Variants in FOXK1 observed in about 807,000 individuals in gnomAD.
FOXK1 encodes the protein forkhead box protein K1.
A neutral mutation model predicts 51.9 loss-of-function variants in FOXK1; 19 were observed. The ratio of observed to expected loss-of-function variants is 0.37; its 90% CI spans 0.26 to 0.54. The LOEUF (loss-of-function observed/expected upper bound fraction) is 0.54, where lower values mean the gene tolerates loss of function less well. FOXK1 is among the 20% of genes least tolerant of loss of function. The probability of loss-of-function intolerance (pLI) is 0.87; values close to 1 mark genes in which losing one functional copy is unlikely to be tolerated. For missense variants in FOXK1, 870 were observed against 1,032.7 expected (o/e 0.84, Z 2.16); for synonymous variants, 537 against 482.6 (o/e 1.11, Z -1.48).
chr7:4,747,803 T>C lies in FOXK1; in HGVS notation c.747-6656T>C, dbSNP rs930631498. Among the ~76,000 whole-genome samples, 1 of 152,154 alleles carries C rather than the reference T, an allele frequency of 6.6e-6. No individual in the cohort carries two copies. Among genetic ancestry groups the C allele is most frequent in the Non-Finnish European group, 1.5e-5 (1 of 68,020 alleles). On this transcript the variant is annotated intron_variant, in intron 2 of 8. Transcript: ENST00000328914. This position sits in a 1 kb window ranked among gnomAD's most constrained non-coding sequence, Gnocchi z 9.2. ...CCTTGACCTCCCAAAGTGCCAAGATTACAAGCCTGGGCCTGTTTTTGTTGT... is the reference window on the plus strand; with the variant it reads ...CCTTGACCTCCCAAAGTGCCAAGATCACAAGCCTGGGCCTGTTTTTGTTGT...
At position 4,762,181 on chromosome 7, in the gene FOXK1, C is replaced by T. The variant is rs752785227; in HGVS notation, c.1922-3C>T. The stretch of plus-strand genomic sequence containing the variant: ...GAGTAACCCTCTTCTTCCTCCACTC[C>T]AGCCCTCACCAGCCCTTTGCAGCTC... On this transcript the variant is annotated splice_region_variant and splice_polypyrimidine_tract_variant and intron_variant, in intron 8 of 8. Coordinates refer to ENST00000328914, the MANE Select transcript of FOXK1 (RefSeq NM_001037165.2). The surrounding 1 kb of genome is among the most constrained non-coding windows in gnomAD (Gnocchi z 5.7). 2.6e-5 allele frequency: 41 copies of T among 1,547,692 alleles called. No individual in the cohort carries two copies. The highest frequency in any genetic ancestry group is 1.7e-4 in the Middle Eastern group (1 of 5,974).
intron 1 of FOXK1, among the ~76,000 whole-genome samples, chr7:4,712,794 G>T (rs1780191008): frequency 6.6e-6 from 1 of 152,164 alleles, no homozygotes; most frequent in Non-Finnish European, 1.5e-5. Flanking sequence ...ATTAAATACT[G>T]CTCAAACAGC....
chr7:4,718,088 C>G (rs192795541), intron 1 of FOXK1, among the ~76,000 whole-genome samples: 1 of 152,364 alleles, frequency 6.6e-6, no homozygotes, highest in Non-Finnish European at 1.5e-5. Context: ...TCCATGGACA[C>G]ACTTTCCATT....
Position 4,759,144 on chromosome 7 carries a change from C to T in FOXK1, c.1338C>T (p.Pro446=), listed in dbSNP as rs372852620. The change falls in exon 6 of 9, where the codon CCC becomes CCT. Residue 446 remains proline, a synonymous_variant. Coordinates refer to ENST00000328914, the MANE Select transcript of FOXK1 (RefSeq NM_001037165.2). ...TPECLSREGS[P]IPHDPEFGSK... is the part of the protein sequence containing the mutation. ...AGTGCCTGTCTCGGGAGGGCTCCCC[C>T]ATTCCACACGACCCTGAGTTTGGGT... 1.2e-6 allele frequency: 2 copies of T among 1,612,684 alleles called. No individual in the cohort carries two copies. The highest frequency in any genetic ancestry group is 3.3e-5 in the Admixed American group (2 of 60,018).
Position 4,759,457 on chromosome 7 carries a change from C to G in FOXK1, c.1558C>G (p.Pro520Ala). The G allele has an allele frequency of 6.3e-7, 1 of 1,591,412 alleles. No homozygotes were observed. Among genetic ancestry groups the G allele is most frequent in the Non-Finnish European group, 8.5e-7 (1 of 1,173,728 alleles). ...CGCCATCCACGTCGTGCAGCAGGCC[C>G]CCACCGTCACCATGGTCAGGGTGGT... ...GHAIHVVQQA[P>A]TVTMVRVVTT... is the part of the protein sequence containing the mutation. Residue 520 changes from proline (P) to alanine (A), a missense_variant, in exon 7 of 9, where the codon CCC becomes GCC. Pro to Ala is a conservative substitution (Grantham distance 27). Coordinates refer to ENST00000328914, the MANE Select transcript of FOXK1 (RefSeq NM_001037165.2).
intron 1 of FOXK1, among the ~76,000 whole-genome samples, chr7:4,706,032 ACGTGTATATACGTG>A: frequency 9.8e-6 from 1 of 102,174 alleles, no homozygotes; most frequent in African/African-American, 7.9e-5. Context: ...ACGTGTATAT[ACGTGTATATACGTG>A]TATATATGTA....
chr7:4,758,847 T>TC lies in FOXK1; in HGVS notation c.1245-199dup. 1.7e-6 allele frequency: 1 copy of TC among 592,828 alleles called. No individual in the cohort carries two copies. Among genetic ancestry groups the TC allele is most frequent in the East Asian group, 2.9e-5 (1 of 34,512 alleles). The allele number at this position is 592,828 out of a possible 1,614,324, so 36.7% of individuals were successfully genotyped here. A position where few individuals can be genotyped will look rare whatever the true frequency, so the allele number is the denominator to read the frequency against. On this transcript the variant is annotated intron_variant, in intron 5 of 8. Coordinates refer to ENST00000328914, the MANE Select transcript of FOXK1 (RefSeq NM_001037165.2). The surrounding 1 kb of genome is among the most constrained non-coding windows in gnomAD (Gnocchi z 4.4). ...CCGTCCCCTCTCATGGAACGGAGCC[T>TC]CCCCCATGCAGCCCCCACTCAAATG...
Position 4,759,124 on chromosome 7 carries a change from C to G in FOXK1, c.1318C>G (p.Leu440Val). 6.2e-7 allele frequency: 1 copy of G among 1,612,214 alleles called. No homozygotes were observed. Among genetic ancestry groups the G allele is most frequent in the Non-Finnish European group, 8.5e-7 (1 of 1,179,890 alleles). ...RSGGLQTPEC[L>V]SREGSPIPHD... is the part of the protein sequence containing the mutation. ...CGGCGGCCTGCAGACCCCAGAGTGCCTGTCTCGGGAGGGCTCCCCCATTCC... is the reference window on the plus strand; with the variant it reads ...CGGCGGCCTGCAGACCCCAGAGTGCGTGTCTCGGGAGGGCTCCCCCATTCC... The change falls in exon 6 of 9, where the codon CTG becomes GTG. Residue 440 changes from leucine to valine, a missense_variant. By Grantham distance (32) the Leu-to-Val change is conservative (BLOSUM62 1). This residue lies in a region of FOXK1 where 457 missense variants were observed against 510.8 expected (regional missense o/e 0.89). Transcript: ENST00000328914.
At position 4,734,003 on chromosome 7, in the gene FOXK1, G is replaced by A. The variant is rs537473768; in HGVS notation, c.561-6835G>A. Among the ~76,000 whole-genome samples the A allele has an allele frequency of 2.0e-5, 3 of 152,288 alleles. No homozygotes were observed. Among genetic ancestry groups the A allele is most frequent in the African/African-American group, 7.2e-5 (3 of 41,572 alleles). On this transcript the variant is annotated intron_variant, in intron 1 of 8. Coordinates refer to ENST00000328914, the MANE Select transcript of FOXK1 (RefSeq NM_001037165.2). This position sits in a 1 kb window ranked among gnomAD's most constrained non-coding sequence, Gnocchi z 5.2. ...ACGTGGAGTCTGCCCTCCACGTGCC[G>A]TGGGTGAAGCTTCACCTGGCGCAGG...
chr7:4,719,378 G>A (rs561035984), intron 1 of FOXK1, among the ~76,000 whole-genome samples: 104 of 152,142 alleles, frequency 6.8e-4, no homozygotes, highest in Non-Finnish European at 6.3e-4. Flanking sequence ...AGCCTCAAAT[G>A]ATCCTCCCGC....
rs753753448 is a variant in FOXK1 at position 4,756,110 on chromosome 7, T to TATTG, written c.1050+727_1050+728insATTG. 4.9e-4 allele frequency among the ~76,000 whole-genome samples: 75 copies of TATTG among 152,238 alleles called. No individual in the cohort carries two copies. Among genetic ancestry groups the TATTG allele is most frequent in the Non-Finnish European group, 5.7e-4 (39 of 68,016 alleles). ...TGTAGCGCATCCACTAGCTTTGGTTTTTTGTTTGTTTGTTTGTTTTTTGAG... is the reference window on the plus strand; with the variant it reads ...TGTAGCGCATCCACTAGCTTTGGTTTATTGTTTGTTTGTTTGTTTGTTTTTTGAG... On this transcript the variant is annotated intron_variant, in intron 4 of 8. Transcript: ENST00000328914. This position sits in a 1 kb window ranked among gnomAD's most constrained non-coding sequence, Gnocchi z 4.1.
chr7:4,692,502 TCTC>T (rs1242691632), intron 1 of FOXK1, among the ~76,000 whole-genome samples: 7 of 152,016 alleles, frequency 4.6e-5, no homozygotes, highest in South Asian at 2.1e-4. Context: ...TTCAAGCAAT[TCTC>T]CTGCCTCAGC....
In FOXK1 at chr7:4,762,679, G is replaced by T. The variant is rs1016223349; in HGVS notation, c.*215G>T. On this transcript the variant is annotated 3_prime_UTR_variant, in exon 9 of 9. Transcript: ENST00000328914. This position sits in a 1 kb window ranked among gnomAD's most constrained non-coding sequence, Gnocchi z 5.7. ...CATAAACAAGTTCAGACAACTGATT[G>T]TATGATTCTGGGAATTCTTTGCTTT... 8.7e-6 allele frequency: 5 copies of T among 573,064 alleles called. No individual in the cohort carries two copies. Among genetic ancestry groups the T allele is most frequent in the Non-Finnish European group, 1.6e-5 (5 of 321,876 alleles). The allele number at this position is 573,064 out of a possible 1,614,324, so 35.5% of individuals were successfully genotyped here.
At position 4,709,063 on chromosome 7, in the gene FOXK1, CAAAA is replaced by C. The variant is rs111595744; in HGVS notation, c.560+26208_560+26211del. Reference sequence around the variant, plus strand: ...CTGGGCAATGAGCGAGACTCTGTCTCAAAAAAAAAAAAAAAAGAAAAGAAAAGAA... The same window carrying C: ...CTGGGCAATGAGCGAGACTCTGTCTCAAAAAAAAAAAAGAAAAGAAAAGAA... On this transcript the variant is annotated intron_variant, in intron 1 of 8. Transcript: ENST00000328914. This position sits in a 1 kb window ranked among gnomAD's most constrained non-coding sequence, Gnocchi z 5.6. Among the ~76,000 whole-genome samples the C allele has an allele frequency of 1.5e-5, 1 of 65,130 alleles. No homozygotes were observed. The highest frequency in any genetic ancestry group is 3.5e-5 in the Non-Finnish European group (1 of 28,748). The allele number at this position is 65,130 out of a possible 152,430, so 42.7% of individuals were successfully genotyped here.
Position 4,767,890 on chromosome 7 carries a change from G to T in FOXK1, c.*5426G>T, listed in dbSNP as rs1214847988. On this transcript the variant is annotated 3_prime_UTR_variant, in exon 9 of 9. Coordinates refer to ENST00000328914, the MANE Select transcript of FOXK1 (RefSeq NM_001037165.2). The surrounding 1 kb of genome is among the most constrained non-coding windows in gnomAD (Gnocchi z 6.6). ...CGGCCCCTCGCAGGGTGGCGAGTGG[G>T]GTCCGTGCCTCGAGAAGGGGGCCCT... The T allele has an allele frequency of 6.6e-6, 1 of 151,984 alleles. No individual in the cohort carries two copies. The highest frequency in any genetic ancestry group is 1.5e-5 in the Non-Finnish European group (1 of 68,026). The allele number at this position is 151,984 out of a possible 1,614,324, so 9.4% of individuals were successfully genotyped here. A position where few individuals can be genotyped will look rare whatever the true frequency, so the allele number is the denominator to read the frequency against.
chr7:4,726,278 TC>T (rs1780380624), intron 1 of FOXK1, among the ~76,000 whole-genome samples: 1 of 152,256 alleles, frequency 6.6e-6, no homozygotes, highest in Admixed American at 6.5e-5. Flanking sequence ...CTGCAGACCG[TC>T]TGTTGGAGCT....
At chr7:4,695,768 C>T (rs866929793) in intron 1 of FOXK1, among the ~76,000 whole-genome samples, 1 of 152,092 alleles carries the variant, frequency 6.6e-6, no homozygotes, top group Non-Finnish European at 1.5e-5. Flanking sequence ...GAAACCCCGT[C>T]TCTACTAAAA....
At chr7:4,724,844 C>T (rs373445303) in intron 1 of FOXK1, among the ~76,000 whole-genome samples, 1 of 152,220 alleles carries the variant, frequency 6.6e-6, no homozygotes, top group East Asian at 1.9e-4. Flanking sequence ...CTGCCCACCT[C>T]TTCTGAGACT....
In FOXK1 at chr7:4,726,235, G is replaced by A. The variant is rs190439732; in HGVS notation, c.561-14603G>A. On this transcript the variant is annotated intron_variant, in intron 1 of 8. Transcript: ENST00000328914. Reference sequence around the variant, plus strand: ...TAGAACGTTCTTGTTTTTGGCCTACGAATGCTTTTACTTAGGAAGCACGAG... The same window carrying A: ...TAGAACGTTCTTGTTTTTGGCCTACAAATGCTTTTACTTAGGAAGCACGAG... 4.4e-4 allele frequency among the ~76,000 whole-genome samples: 67 copies of A among 152,228 alleles called. 1 individual carries two copies. The highest frequency in any genetic ancestry group is 2.6e-4 in the Non-Finnish European group (18 of 68,008).
Sources: allele counts gnomAD v4.1 joint callset (sites outside exome capture counted in the v4.1 genomes callset), GRCh38; gene constraint gnomAD v4.1.1; regional missense constraint gnomAD v4.1.1; non-coding constraint Gnocchi (gnomAD v3.1); transcripts MANE v1.5; gene names NCBI Gene and HGNC (gene_info 2026-07-23, HGNC 2026-07-21).